CCNH: variants seen among roughly 807,000 people sequenced by gnomAD.
CCNH encodes cyclin H.
A neutral mutation model predicts 41.9 loss-of-function variants in CCNH; 31 were observed. That is an observed-to-expected ratio of 0.74 (90% confidence interval 0.56 to 1.00). The LOEUF (loss-of-function observed/expected upper bound fraction) is 1.00, where lower values mean the gene tolerates loss of function less well. CCNH is among the 50% of genes least tolerant of loss of function. The probability of loss-of-function intolerance (pLI) is 0.00; values close to 1 mark genes in which losing one functional copy is unlikely to be tolerated. For missense variants in CCNH, 362 were observed against 388.4 expected (o/e 0.93, Z 0.57); for synonymous variants, 138 against 136.1 (o/e 1.01, Z -0.10).
chr5:87,410,158 CCTTTT>C (rs1350386668), intron 2 of CCNH, among the ~76,000 whole-genome samples: 4 of 152,038 alleles, frequency 2.6e-5, no homozygotes, highest in African/African-American at 9.7e-5. Context: ...AAGAATATTT[CCTTTT>C]AAGTATTTTA....
chr5:87,369,920 A>T, intron 9 of CCNH: 1 of 1,558,560 alleles, frequency 6.4e-7, no homozygotes, highest in Non-Finnish European at 8.8e-7. Flanking sequence ...CTGTTTCTCA[A>T]ACTACAGTAT....
At chr5:87,398,905 A>G (rs1014476027) in intron 7 of CCNH, among the ~76,000 whole-genome samples, 3 of 151,986 alleles carry the variant, frequency 2.0e-5, no homozygotes, top group Admixed American at 6.6e-5. Flanking sequence ...CCTGGAAGGC[A>G]GAGCTTGCAG....
chr5:87,314,213 G>A (rs1580236066), downstream of CCNH, among the ~76,000 whole-genome samples: 1 of 152,096 alleles, frequency 6.6e-6, no homozygotes, highest in Non-Finnish European at 1.5e-5. Context: ...TAAAGAAAGT[G>A]CATGTTTGGT....
intron 9 of CCNH, chr5:87,353,214 T>G: frequency 6.2e-7 from 1 of 1,608,710 alleles, no homozygotes; most frequent in Non-Finnish European, 8.5e-7. Context: ...GATATTATCT[T>G]AAGGAACCTG....
the CCNH span, among the ~76,000 whole-genome samples, chr5:87,312,540 G>A: frequency 2.6e-5 from 4 of 152,118 alleles, no homozygotes; most frequent in South Asian, 4.1e-4. Context: ...TTCTTTAGGG[G>A]CCAGCAATTT....
chr5:87,338,072 A>G, intron 9 of CCNH: 6 of 1,612,324 alleles, frequency 3.7e-6, no homozygotes, highest in Non-Finnish European at 5.1e-6. Context: ...CTTATTGTTG[A>G]AGACCTAGTA....
chr5:87,395,117 A>C lies in CCNH; in HGVS notation c.873-13T>G. ...TTTCCTCTTCTTCCTATAATTAAGC[A>C]ACTATCAATAAGCAATCCAATACCA... On this transcript the variant is annotated splice_polypyrimidine_tract_variant and intron_variant, in intron 7 of 8. Transcript: ENST00000256897. The C allele has an allele frequency of 6.2e-7, 1 of 1,606,366 alleles. No individual in the cohort carries two copies. Among genetic ancestry groups the C allele is most frequent in the South Asian group, 1.1e-5 (1 of 90,338 alleles).
chr5:87,359,966 C>CTT (rs1389234822), intron 9 of CCNH, among the ~76,000 whole-genome samples: 1 of 152,126 alleles, frequency 6.6e-6, no homozygotes, highest in African/African-American at 2.4e-5. Flanking sequence ...CTTGTAAACT[C>CTT]TGATTCCAGA....
intron 9 of CCNH, among the ~76,000 whole-genome samples, chr5:87,382,467 A>G (rs558677423): frequency 6.6e-6 from 1 of 152,196 alleles, no homozygotes; most frequent in Non-Finnish European, 1.5e-5. Context: ...GATTATGTCT[A>G]TCAATCTGTA....
At position 87,331,365 on chromosome 5, in the gene CCNH, T is replaced by C; in HGVS notation, c.*91-12468A>G. 6.2e-7 allele frequency: 1 copy of C among 1,610,958 alleles called. No homozygotes were observed. The highest frequency in any genetic ancestry group is 8.5e-7 in the Non-Finnish European group (1 of 1,177,182). On this transcript the variant is annotated intron_variant and NMD_transcript_variant, in intron 9 of 9. Coordinates refer to the CCNH transcript ENST00000645953. ...TCCCCTAGGTGGTATCACGGAAAAC[T>C]TGACAGAACGATAGCAGAAGAACGC... is the stretch of plus-strand genomic sequence containing the variant.
intron 9 of CCNH, among the ~76,000 whole-genome samples, chr5:87,324,044 T>G (rs1412786047): frequency 2.6e-5 from 4 of 152,196 alleles, no homozygotes; most frequent in African/African-American, 9.7e-5. Flanking sequence ...CATAGTTTGT[T>G]GGAGATGAAC....
intron 9 of CCNH, among the ~76,000 whole-genome samples, chr5:87,368,876 A>T (rs1441369379): frequency 6.6e-6 from 1 of 152,172 alleles, no homozygotes; most frequent in Non-Finnish European, 1.5e-5. Flanking sequence ...CAGTGCTTTC[A>T]AACAGTTGTT....
intron 2 of CCNH, 101 bp downstream of exon 2, chr5:87,411,122 CT>C (rs1217385792): frequency 3.6e-5 from 44 of 1,219,032 alleles, no homozygotes; most frequent in Non-Finnish European, 4.7e-5. Context: ...TTAATTGTAA[CT>C]AAGGTGAATT....
intron 5 of CCNH, among the ~76,000 whole-genome samples, chr5:87,403,413 C>T (rs1172431967): frequency 6.6e-6 from 1 of 152,090 alleles, no homozygotes; most frequent in African/African-American, 2.4e-5. Context: ...GCACTATATA[C>T]AATGCTTCAA....
intron 7 of CCNH, among the ~76,000 whole-genome samples, chr5:87,395,714 A>T (rs1338571710): frequency 6.6e-6 from 1 of 152,150 alleles, no homozygotes; most frequent in Non-Finnish European, 1.5e-5. Flanking sequence ...TCTACAAAAA[A>T]ATTAAAAAAT....
At position 87,395,116 on chromosome 5, in the gene CCNH, C is replaced by T; in HGVS notation, c.873-12G>A. 1.2e-6 allele frequency: 2 copies of T among 1,606,284 alleles called. No individual in the cohort carries two copies. Among genetic ancestry groups the T allele is most frequent in the Non-Finnish European group, 1.7e-6 (2 of 1,175,658 alleles). On this transcript the variant is annotated splice_polypyrimidine_tract_variant and intron_variant, in intron 7 of 8. Transcript: ENST00000256897. ...CTTTCCTCTTCTTCCTATAATTAAG[C>T]AACTATCAATAAGCAATCCAATACC... is the stretch of plus-strand genomic sequence containing the variant.
At chr5:87,396,360 G>T (rs973603550) in intron 7 of CCNH, among the ~76,000 whole-genome samples, 1 of 152,148 alleles carries the variant, frequency 6.6e-6, no homozygotes, top group Non-Finnish European at 1.5e-5. Context: ...AGTGGCTCAC[G>T]CCTGTAATCC....
intron 9 of CCNH, among the ~76,000 whole-genome samples, chr5:87,341,534 C>A (rs1434824975): frequency 6.6e-6 from 1 of 151,974 alleles, no homozygotes; most frequent in Non-Finnish European, 1.5e-5. Context: ...AAATATAACT[C>A]TTTTTATCAC....
downstream of CCNH, chr5:87,389,512 G>C: frequency 1.2e-6 from 2 of 1,614,080 alleles, no homozygotes; most frequent in African/African-American, 1.3e-5. Flanking sequence ...TCAGTAATGA[G>C]CGTGGTGCAC....
Sources: allele counts gnomAD v4.1 joint callset (sites outside exome capture counted in the v4.1 genomes callset), GRCh38; gene constraint gnomAD v4.1.1; transcripts MANE v1.5; gene names NCBI Gene and HGNC (gene_info 2026-07-23, HGNC 2026-07-21).